TNIP3: variants seen among roughly 807,000 people sequenced by gnomAD.
The protein encoded by TNIP3 is TNFAIP3-interacting protein 3.
TNIP3 carries 34 observed loss-of-function variants against 54.1 expected under a neutral mutation model. The observed-to-expected ratio is 0.63, with a 90% confidence interval of 0.48 to 0.84. The LOEUF is 0.84. TNIP3 is among the 40% of genes least tolerant of loss of function. The pLI, the probability that TNIP3 is intolerant of heterozygous loss-of-function variation, is 0.00. For missense variants in TNIP3, 366 were observed against 387.6 expected (o/e 0.94, Z 0.47); for synonymous variants, 134 against 136.8 (o/e 0.98, Z 0.14).
intron 3 of TNIP3, 125 bp downstream of exon 3, chr4:121,158,562 G>T: frequency 1.3e-6 from 1 of 769,188 alleles, no homozygotes; most frequent in Non-Finnish European, 2.2e-6. Flanking sequence ...CACCCTTCCC[G>T]TCATTTTCCA....
intron 3 of TNIP3, 154 bp from the exon 4 acceptor site, chr4:121,157,397 G>A (rs1730184415): frequency 1.1e-6 from 1 of 910,712 alleles, no homozygotes; most frequent in Non-Finnish European, 1.7e-6. Flanking sequence ...AACACAGATC[G>A]GGATACTCGC....
chr4:121,149,542 G>A (rs903598493), intron 6 of TNIP3, among the ~76,000 whole-genome samples: 10 of 152,154 alleles, frequency 6.6e-5, no homozygotes, highest in East Asian at 5.8e-4. Flanking sequence ...CGAGGCAGGT[G>A]GATCACGAGG....
At chr4:121,171,359 G>A (rs1433621306) in intron 3 of TNIP3, among the ~76,000 whole-genome samples, 1 of 152,128 alleles carries the variant, frequency 6.6e-6, no homozygotes, top group Non-Finnish European at 1.5e-5. Flanking sequence ...ATTAAAAGAG[G>A]GGTGGATAGA....
chr4:121,148,875 A>G (rs1346539242), intron 6 of TNIP3, among the ~76,000 whole-genome samples: 1 of 152,206 alleles, frequency 6.6e-6, no homozygotes, highest in Non-Finnish European at 1.5e-5. Flanking sequence ...AATCATACCC[A>G]GGGACATCAG....
intron 1 of TNIP3, among the ~76,000 whole-genome samples, chr4:121,226,554 G>A (rs986536391): frequency 5.3e-5 from 8 of 152,214 alleles, no homozygotes; most frequent in African/African-American, 1.2e-4. Flanking sequence ...GGCATTGATC[G>A]AGATTCCTAA....
intron 3 of TNIP3, among the ~76,000 whole-genome samples, chr4:121,169,777 G>A (rs1044583545): frequency 3.3e-5 from 5 of 152,216 alleles, no homozygotes; most frequent in South Asian, 2.1e-4. Flanking sequence ...TAGGAGAATC[G>A]GGGAATGGGG....
chr4:121,207,567 T>C (rs1240958171), intron 2 of TNIP3, among the ~76,000 whole-genome samples: 1 of 152,200 alleles, frequency 6.6e-6, no homozygotes, highest in Non-Finnish European at 1.5e-5. Context: ...CTTAAGATAT[T>C]AGTTAATAAA....
intron 6 of TNIP3, among the ~76,000 whole-genome samples, chr4:121,149,558 A>C (rs1729620340): frequency 6.6e-6 from 1 of 152,210 alleles, no homozygotes; most frequent in Admixed American, 6.5e-5. Flanking sequence ...CGAGGTCAGA[A>C]GTTTGAGACC....
At chr4:121,205,019 C>T (rs143267862) in intron 2 of TNIP3, among the ~76,000 whole-genome samples, 224 of 152,160 alleles carry the variant, frequency 1.5e-3, no homozygotes, top group African/African-American at 5.1e-3. Flanking sequence ...ACTGATTTTT[C>T]ATTATGGGTG....
chr4:121,177,578 A>G (rs1005097084), intron 3 of TNIP3, among the ~76,000 whole-genome samples: 7 of 152,236 alleles, frequency 4.6e-5, no homozygotes, highest in African/African-American at 1.7e-4. Context: ...CACATCCCAT[A>G]AAGTCATAAA....
At chr4:121,148,752 A>G (rs1358459829) in intron 6 of TNIP3, among the ~76,000 whole-genome samples, 1 of 152,232 alleles carries the variant, frequency 6.6e-6, no homozygotes, top group African/African-American at 2.4e-5. Flanking sequence ...CTTCATATGA[A>G]GCAATAACAA....
chr4:121,181,658 A>G (rs1423026868), intron 3 of TNIP3, among the ~76,000 whole-genome samples: 2 of 118,238 alleles, frequency 1.7e-5, no homozygotes, highest in African/African-American at 2.8e-5. Context: ...TGTGTGTGTA[A>G]AACACAGAGG....
chr4:121,209,147 G>C (rs892572183), intron 2 of TNIP3, among the ~76,000 whole-genome samples: 2 of 152,218 alleles, frequency 1.3e-5, no homozygotes, highest in African/African-American at 4.8e-5. Flanking sequence ...TTAAGGGCGA[G>C]GACGCTGTGT....
At chr4:121,193,830 T>G (rs1031206940) in intron 2 of TNIP3, among the ~76,000 whole-genome samples, 1 of 152,124 alleles carries the variant, frequency 6.6e-6, no homozygotes, top group Non-Finnish European at 1.5e-5. Context: ...ATCTGTAATA[T>G]TCTTGCCAAG....
chr4:121,207,025 T>A (rs1353526380), intron 2 of TNIP3, among the ~76,000 whole-genome samples: 4 of 152,112 alleles, frequency 2.6e-5, no homozygotes, highest in African/African-American at 9.7e-5. Context: ...GGCAAAAAAA[T>A]GTGATCAGGT....
At chr4:121,163,781 C>A (rs542324944) in intron 1 of TNIP3, among the ~76,000 whole-genome samples, 2 of 152,158 alleles carry the variant, frequency 1.3e-5, no homozygotes, top group South Asian at 4.2e-4. Context: ...ATATAGTATT[C>A]TTTTAAGATT....
chr4:121,181,958 CTAA>C (rs1054669706), intron 3 of TNIP3, among the ~76,000 whole-genome samples: 5 of 152,028 alleles, frequency 3.3e-5, no homozygotes, highest in Non-Finnish European at 7.4e-5. Context: ...GAAAGAAGAA[CTAA>C]TGTTATTTTT....
At chr4:121,157,597 C>T (rs557835124) in intron 3 of TNIP3, among the ~76,000 whole-genome samples, 1 of 152,106 alleles carries the variant, frequency 6.6e-6, no homozygotes, top group Non-Finnish European at 1.5e-5. Flanking sequence ...CTGGAAAGGG[C>T]AATGAGGGGC....
At chr4:121,179,843 A>G (rs967319501) in intron 3 of TNIP3, among the ~76,000 whole-genome samples, 1 of 152,042 alleles carries the variant, frequency 6.6e-6, no homozygotes, top group Non-Finnish European at 1.5e-5. Flanking sequence ...TGACAAGCAG[A>G]TATAGCAGGA....
Sources: gnomAD v4.1 joint callset for allele counts (sites outside exome capture counted in the v4.1 genomes callset) on GRCh38, gnomAD v4.1.1 for gene constraint, MANE v1.5 for transcripts, NCBI Gene and HGNC (gene_info 2026-07-23, HGNC 2026-07-21) for gene names.